SECISBP2: variants seen among roughly 807,000 people sequenced by gnomAD.
SECISBP2 encodes the protein selenocysteine insertion sequence-binding protein 2.
Under a neutral mutation model 98.2 loss-of-function variants are expected in SECISBP2, and 96 were observed. The observed-to-expected ratio is 0.98, with a 90% CI of 0.83 to 1.16. The LOEUF (loss-of-function observed/expected upper bound fraction) is 1.16, where lower values mean the gene tolerates loss of function less well. Ranked by LOEUF, SECISBP2 falls within the 50% of genes most tolerant of loss-of-function variation. The pLI is 0.00. For missense variants in SECISBP2, 1,046 were observed against 1,022.9 expected (o/e 1.02, Z -0.31); for synonymous variants, 407 against 370.2 (o/e 1.10, Z -1.14).
At chr9:89,363,454 C>T (rs1251246470), downstream of SECISBP2, 6 of 1,613,900 alleles carry the variant, frequency 3.7e-6, no homozygotes, top group Non-Finnish European at 5.1e-6. Flanking sequence ...AGCTCTGCAT[C>T]ATCCGGTCGT....
chr9:89,366,185 T>C, the SECISBP2 span, among the ~76,000 whole-genome samples: 1 of 152,180 alleles, frequency 6.6e-6, no homozygotes, highest in East Asian at 1.9e-4. Flanking sequence ...TAGGAATGTG[T>C]GCATATATGT....
chr9:89,364,159 G>C (rs77132503), downstream of SECISBP2: 24,136 of 1,005,072 alleles, frequency 0.024, 384 homozygotes, highest in Non-Finnish European at 0.029. Flanking sequence ...TGGACTTCCT[G>C]CTCTTTGACC....
intron 8 of SECISBP2, 103 bp downstream of exon 8, chr9:89,338,683 T>G (rs1266018209): frequency 8.3e-7 from 1 of 1,203,820 alleles, no homozygotes. Flanking sequence ...TCTCCAGGGC[T>G]TTTTAATGAT....
At chr9:89,332,184 C>T (rs546587714) in intron 5 of SECISBP2, among the ~76,000 whole-genome samples, 2 of 152,026 alleles carry the variant, frequency 1.3e-5, no homozygotes, top group Non-Finnish European at 2.9e-5. Flanking sequence ...AGGTTCACAG[C>T]AAAGTTGAGA....
intron 14 of SECISBP2, chr9:89,356,910 C>T (rs1588023065): frequency 4.6e-6 from 1 of 216,102 alleles, no homozygotes; most frequent in African/African-American, 2.3e-5. Flanking sequence ...GCATCACCTG[C>T]ACATGGTACT....
chr9:89,337,820 T>C (rs1328095985), intron 7 of SECISBP2, among the ~76,000 whole-genome samples: 1 of 152,176 alleles, frequency 6.6e-6, no homozygotes, highest in Non-Finnish European at 1.5e-5. Flanking sequence ...CAGAGAGTGA[T>C]CAGTGCTCTG....
chr9:89,338,834 A>G (rs1000708234), intron 8 of SECISBP2, among the ~76,000 whole-genome samples: 3 of 151,940 alleles, frequency 2.0e-5, no homozygotes, highest in Non-Finnish European at 4.4e-5. Context: ...TCAGAGTTGA[A>G]TAGTTTGTGT....
rs142481732 is a variant in SECISBP2, at chr9:89,326,019, T to C, written c.555T>C (p.Ala185=). 4 of 1,613,262 alleles carry C rather than the reference T, an allele frequency of 2.5e-6. No homozygotes were observed. The highest frequency in any genetic ancestry group is 2.2e-5 in the East Asian group (1 of 44,884). Residue 185 remains alanine (A), a synonymous_variant, in exon 4 of 17, where the codon GCT becomes GCC. Coordinates refer to ENST00000375807, the MANE Select transcript of SECISBP2 (RefSeq NM_024077.5). ...GTTCACATCATTTGTCCATTTACGC[T>C]GAGAATAGTTTGAAATCAGGTAAAA... The part of the protein sequence containing the change: ...ARGSHHLSIY[A]ENSLKSDGYH...
At chr9:89,363,935 C>T (rs764062294), downstream of SECISBP2, 41 of 1,613,976 alleles carry the variant, frequency 2.5e-5, no homozygotes, top group East Asian at 2.2e-5. Flanking sequence ...CCAGACAAAG[C>T]GAATGTCTGC....
intron 10 of SECISBP2, among the ~76,000 whole-genome samples, chr9:89,345,211 C>T (rs1352562554): frequency 6.6e-6 from 1 of 152,238 alleles, no homozygotes; most frequent in Non-Finnish European, 1.5e-5. Context: ...CTGGCCCTGT[C>T]TGTTGCTTGA....
chr9:89,364,404 C>T (rs1833251318), downstream of SECISBP2: 2 of 261,082 alleles, frequency 7.7e-6, no homozygotes, highest in South Asian at 4.6e-5. Context: ...CAGCTGTGTG[C>T]AGAGGGGGCT....
At chr9:89,364,701 A>G in the SECISBP2 span, 10 of 152,692 alleles carry the variant, frequency 6.5e-5, no homozygotes, top group African/African-American at 2.4e-4. Flanking sequence ...GTTACTTCAC[A>G]CACACTCAGA....
downstream of SECISBP2, among the ~76,000 whole-genome samples, chr9:89,362,863 C>T (rs551582131): frequency 7.2e-4 from 109 of 152,326 alleles, no homozygotes; most frequent in African/African-American, 2.5e-3. Flanking sequence ...CCTTCTGTAT[C>T]GGCTATTTAG....
downstream of SECISBP2, chr9:89,362,391 C>A (rs777861625): frequency 6.2e-7 from 1 of 1,614,098 alleles, no homozygotes; most frequent in East Asian, 2.2e-5. Flanking sequence ...TCAGGGACTC[C>A]TTCCTGGTGG....
chr9:89,348,484 T>G (rs1316760778), intron 12 of SECISBP2, among the ~76,000 whole-genome samples: 2 of 152,150 alleles, frequency 1.3e-5, no homozygotes, highest in Non-Finnish European at 2.9e-5. Flanking sequence ...TGCTGGATGG[T>G]CCTCTAACTT....
At position 89,326,025 on chromosome 9, in the gene SECISBP2, T is replaced by C. The variant is rs145994025; in HGVS notation, c.561T>C (p.Asn187=). 143 of 1,613,072 alleles carry C rather than the reference T, an allele frequency of 8.9e-5. No individual in the cohort carries two copies. Among genetic ancestry groups the C allele is most frequent in the Admixed American group, 4.0e-4 (24 of 60,010 alleles). The change falls in exon 4 of 17, where the codon AAT becomes AAC. Residue 187 remains asparagine, a synonymous_variant. Transcript: ENST00000375807. ...GSHHLSIYAE[N]SLKSDGYHKR... is the part of the protein sequence containing the mutation. ...ATCATTTGTCCATTTACGCTGAGAATAGTTTGAAATCAGGTAAAAATAACC... is the reference window on the plus strand; with the variant it reads ...ATCATTTGTCCATTTACGCTGAGAACAGTTTGAAATCAGGTAAAAATAACC...
At chr9:89,332,809 G>C in intron 5 of SECISBP2, 99 bp from the exon 6 acceptor site, 1 of 943,860 alleles carries the variant, frequency 1.1e-6, no homozygotes, top group Non-Finnish European at 1.7e-6. Context: ...AATGGATAAG[G>C]ATTTCTGTTG....
chr9:89,320,008 C>G (rs931100288), intron 2 of SECISBP2, among the ~76,000 whole-genome samples: 4 of 152,098 alleles, frequency 2.6e-5, no homozygotes, highest in African/African-American at 9.7e-5. Context: ...TCTTCATACT[C>G]ATTGTTATTT....
chr9:89,327,469 C>CT (rs895659301), intron 4 of SECISBP2, among the ~76,000 whole-genome samples: 3 of 152,150 alleles, frequency 2.0e-5, no homozygotes, highest in Admixed American at 6.5e-5. Flanking sequence ...TAATAAAACA[C>CT]AAACATGCAG....
Sources: allele counts gnomAD v4.1 joint callset (sites outside exome capture counted in the v4.1 genomes callset), GRCh38; gene constraint gnomAD v4.1.1; transcripts MANE v1.5; gene names NCBI Gene and HGNC (gene_info 2026-07-23, HGNC 2026-07-21).